The following RANBP2 variants were observed in gnomAD, a reference collection of about 807,000 sequenced individuals.
RANBP2 encodes the protein E3 SUMO-protein ligase RanBP2.
A neutral mutation model predicts 303.6 loss-of-function variants in RANBP2; 57 were observed. The observed-to-expected ratio is 0.19, with a 90% CI of 0.15 to 0.23. The LOEUF is 0.23. Ranked by LOEUF, RANBP2 falls within the 10% of genes least tolerant of loss-of-function variation. RANBP2 has a pLI of 1.00. For missense variants in RANBP2, 3,138 were observed against 3,780.8 expected, an observed-to-expected ratio of 0.83 and a Z score of 4.46; for synonymous variants, 1,167 against 1,301.5, an observed-to-expected ratio of 0.90 and a Z score of 2.23.
chr2:108,744,484 A>G (rs1281300198), intron 7 of RANBP2, among the ~76,000 whole-genome samples: 1 of 152,168 alleles, frequency 6.6e-6, no homozygotes, highest in Non-Finnish European at 1.5e-5. Context: ...CACAGATTCA[A>G]CTGTTGAATA....
chr2:109,283,349 T>TTGCCAGCCTC, the RANBP2 span, among the ~76,000 whole-genome samples: 3 of 152,284 alleles, frequency 2.0e-5, no homozygotes, highest in South Asian at 6.2e-4. Context: ...TGCCACCCCA[T>TTGCCAGCCTC]TGCCAGCCTC....
the RANBP2 span, among the ~76,000 whole-genome samples, chr2:109,669,895 A>C: frequency 1.2e-5 from 1 of 86,936 alleles, no homozygotes; most frequent in African/African-American, 4.6e-5. Flanking sequence ...AGCACCCCCA[A>C]CCCACTCTAT....
At chr2:109,313,985 G>A in the RANBP2 span, among the ~76,000 whole-genome samples, 1 of 152,188 alleles carries the variant, frequency 6.6e-6, no homozygotes, top group East Asian at 1.9e-4. Flanking sequence ...TTTGGAACTG[G>A]GAGGAAAGTG....
chr2:109,008,864 A>C, the RANBP2 span, among the ~76,000 whole-genome samples: 1 of 151,172 alleles, frequency 6.6e-6, no homozygotes, highest in Non-Finnish European at 1.5e-5. Flanking sequence ...GCACCACTGC[A>C]CTCCAGCCTG....
the RANBP2 span, among the ~76,000 whole-genome samples, chr2:109,161,202 G>C: frequency 6.6e-6 from 1 of 152,190 alleles, no homozygotes; most frequent in Non-Finnish European, 1.5e-5. Flanking sequence ...TAAATCCTGG[G>C]GGCAGGTGAG....
chr2:109,278,155 T>C, the RANBP2 span, among the ~76,000 whole-genome samples: 47 of 151,250 alleles, frequency 3.1e-4, no homozygotes, highest in Non-Finnish European at 1.3e-4. Flanking sequence ...CCAGCCTGAG[T>C]GATAGAGCAA....
chr2:109,743,385 A>T, the RANBP2 span, among the ~76,000 whole-genome samples: 194 of 143,388 alleles, frequency 1.4e-3, no homozygotes, highest in South Asian at 2.5e-3. Flanking sequence ...AATATAACAT[A>T]GAAGAAAATC....
chr2:109,589,577 C>T, the RANBP2 span, among the ~76,000 whole-genome samples: 3 of 151,862 alleles, frequency 2.0e-5, no homozygotes, highest in African/African-American at 7.3e-5. Context: ...CATTGAATAT[C>T]CAATAAAACA....
chr2:109,312,074 T>C, the RANBP2 span, among the ~76,000 whole-genome samples: 1 of 152,178 alleles, frequency 6.6e-6, no homozygotes, highest in Admixed American at 6.5e-5. Flanking sequence ...GGAACCTTGG[T>C]GTATGTGTTT....
the RANBP2 span, among the ~76,000 whole-genome samples, chr2:109,682,628 C>T: frequency 4.6e-5 from 7 of 152,268 alleles, no homozygotes; most frequent in South Asian, 2.1e-4. Flanking sequence ...CCTCTGGCCC[C>T]GTCCCTTTGT....
the RANBP2 span, among the ~76,000 whole-genome samples, chr2:109,109,656 C>T: frequency 6.6e-6 from 1 of 152,098 alleles, no homozygotes; most frequent in Admixed American, 6.5e-5. Context: ...TACTTATTAT[C>T]CCATCATACT....
At chr2:108,821,886 C>G in the RANBP2 span, among the ~76,000 whole-genome samples, 1 of 150,018 alleles carries the variant, frequency 6.7e-6, no homozygotes, top group South Asian at 2.1e-4. Flanking sequence ...TGAGATTGTG[C>G]CACTGCGCTC....
the RANBP2 span, among the ~76,000 whole-genome samples, chr2:109,245,983 C>T: frequency 1.3e-5 from 2 of 152,174 alleles, no homozygotes; most frequent in Non-Finnish European, 2.9e-5. Flanking sequence ...CTGGCTTATT[C>T]ACAAAAAACC....
the RANBP2 span, among the ~76,000 whole-genome samples, chr2:109,029,267 A>G: frequency 6.6e-6 from 1 of 151,682 alleles, no homozygotes; most frequent in Non-Finnish European, 1.5e-5. Flanking sequence ...CCCAGCCCCC[A>G]TTCACCCCCA....
intron 15 of RANBP2, 48 bp from the exon 16 acceptor site, chr2:108,754,857 G>A (rs1407605627): frequency 6.2e-7 from 1 of 1,608,362 alleles, no homozygotes; most frequent in Admixed American, 1.7e-5. Context: ...TTTTACTTTT[G>A]GAATTTTTTG....
At chr2:108,926,917 CTG>C in the RANBP2 span, among the ~76,000 whole-genome samples, 1 of 152,220 alleles carries the variant, frequency 6.6e-6, no homozygotes, top group African/African-American at 2.4e-5. Flanking sequence ...TGATCCTCCT[CTG>C]TGACACAGCG....
chr2:109,138,776 A>G, the RANBP2 span, among the ~76,000 whole-genome samples: 2 of 152,236 alleles, frequency 1.3e-5, no homozygotes, highest in South Asian at 4.1e-4. Flanking sequence ...CTGCTCTTGA[A>G]GACTGGCCCA....
At chr2:109,419,194 G>GGT in the RANBP2 span, among the ~76,000 whole-genome samples, 16 of 151,746 alleles carry the variant, frequency 1.1e-4, no homozygotes, top group South Asian at 2.5e-3. Context: ...ATTTTGTGTG[G>GGT]GTTTTTTTTA....
At chr2:108,841,674 G>C in the RANBP2 span, among the ~76,000 whole-genome samples, 2 of 151,958 alleles carry the variant, frequency 1.3e-5, no homozygotes, top group Non-Finnish European at 1.5e-5. Flanking sequence ...GCTGCATTTA[G>C]AAAAAATAAA....
Sources: allele counts gnomAD v4.1 joint callset (sites outside exome capture counted in the v4.1 genomes callset), GRCh38; gene constraint gnomAD v4.1.1; transcripts MANE v1.5; gene names NCBI Gene and HGNC (gene_info 2026-07-23, HGNC 2026-07-21).